Variants in ALG11 observed in about 807,000 individuals in gnomAD.
ALG11 encodes the protein ALG11 alpha-1,2-mannosyltransferase, also known as GDP-Man:Man(3)GlcNAc(2)-PP-Dol alpha-1,2-mannosyltransferase.
A neutral mutation model predicts 38.8 loss-of-function variants in ALG11; 26 were observed. The ratio of observed to expected loss-of-function variants is 0.67; its 90% CI spans 0.49 to 0.93. The LOEUF (loss-of-function observed/expected upper bound fraction) is 0.93, where lower values mean the gene tolerates loss of function less well. ALG11 is among the 40% of genes least tolerant of loss of function. The pLI is 0.00. For synonymous variants in ALG11, 199 were observed against 211.6 expected, an observed-to-expected ratio of 0.94 and a Z score of 0.52; for missense variants, 535 against 578.8, an observed-to-expected ratio of 0.92 and a Z score of 0.78.
At chr13:52,027,010 G>A (rs1401908914) in intron 3 of ALG11, among the ~76,000 whole-genome samples, 1 of 152,156 alleles carries the variant, frequency 6.6e-6, no homozygotes, top group Non-Finnish European at 1.5e-5. Flanking sequence ...TCCAAGTGCA[G>A]TGTCTTAGAA....
intron 2 of ALG11, chr13:52,023,507 A>T (rs1460432793): frequency 1.3e-5 from 2 of 151,420 alleles, no homozygotes; most frequent in Non-Finnish European, 2.9e-5. Context: ...CTGAGGCGGG[A>T]GAAGCACTTG....
rs139833950 is a variant in ALG11, at chr13:52,027,663, C to T, written c.1208-656C>T. ...ATCATTTGGCAGAAACTAACCACAACTTTCATTTAGTTCAGCACTGTTGTT... is the reference window on the plus strand; with the variant it reads ...ATCATTTGGCAGAAACTAACCACAATTTTCATTTAGTTCAGCACTGTTGTT... On this transcript the variant is annotated intron_variant, in intron 3 of 3. Coordinates refer to ENST00000521508, the MANE Select transcript of ALG11 (RefSeq NM_001004127.3). Among the ~76,000 whole-genome samples, 947 of 152,280 alleles carry T rather than the reference C, an allele frequency of 6.2e-3. 4 individuals carry two copies. Among genetic ancestry groups the T allele is most frequent in the African/African-American group, 0.021 (864 of 41,558 alleles).
In ALG11 at chr13:52,029,143, G is replaced by A. The variant is rs1055566609; in HGVS notation, c.*553G>A. On this transcript the variant is annotated 3_prime_UTR_variant, in exon 4 of 4. Transcript: ENST00000521508. ...AACTGAATAGAGTCAAATCAAAGAA[G>A]GTGGTGGAGTTACCTCTTAACAAAG... 2 of 1,614,122 alleles carry A rather than the reference G, an allele frequency of 1.2e-6. No individual in the cohort carries two copies. The highest frequency in any genetic ancestry group is 2.7e-5 in the African/African-American group (2 of 74,928).
Position 52,029,056 on chromosome 13 carries a change from G to T in ALG11, c.*466G>T. ...GTTCTGAAGGATCAGGAGAAAAGCTGGGCCTTGCAGATCTGCTTGAGCCCG... is the reference window on the plus strand; with the variant it reads ...GTTCTGAAGGATCAGGAGAAAAGCTTGGCCTTGCAGATCTGCTTGAGCCCG... On this transcript the variant is annotated 3_prime_UTR_variant, in exon 4 of 4. Transcript: ENST00000521508. 4 of 1,614,216 alleles carry T rather than the reference G, an allele frequency of 2.5e-6. No individual in the cohort carries two copies. Among genetic ancestry groups the T allele is most frequent in the Middle Eastern group, 1.6e-4 (1 of 6,062 alleles).
chr13:52,030,400 A>C lies in ALG11; in HGVS notation c.*1810A>C. The stretch of plus-strand genomic sequence containing the variant: ...AGGAGCTTCCCAGACCTGTGTTAGA[A>C]GGACAGCAGTCAGAGAGGACCCCAA... On this transcript the variant is annotated 3_prime_UTR_variant, in exon 4 of 4. Transcript: ENST00000521508. 6.2e-7 allele frequency: 1 copy of C among 1,614,222 alleles called. No homozygotes were observed. The highest frequency in any genetic ancestry group is 8.5e-7 in the Non-Finnish European group (1 of 1,180,038).
At position 52,019,122 on chromosome 13, in the gene ALG11, C is replaced by T. The variant is rs147743710; in HGVS notation, c.254C>T (p.Ala85Val). Residue 85 changes from alanine (A) to valine (V), a missense_variant, in exon 2 of 4, where the codon GCT (alanine) becomes GTT (valine). Physicochemically the swap from Ala to Val is moderately conservative, Grantham distance 64. Transcript: ENST00000521508. Reference protein sequence around the residue: ...GGGGERVLWCALRALQKKYPE... With the variant: ...GGGGERVLWCVLRALQKKYPE... ...GGAGGAGAAAGAGTTTTATGGTGTG[C>T]TTTAAGAGCCCTGCAGAAAAAGTAG... The T allele has an allele frequency of 9.9e-6, 16 of 1,612,760 alleles. No individual in the cohort carries two copies. The highest frequency in any genetic ancestry group is 1.1e-5 in the Non-Finnish European group (13 of 1,179,690).
chr13:52,012,519 C>T (rs1954080014), intron 1 of ALG11, 57 bp downstream of exon 1: 4 of 1,612,498 alleles, frequency 2.5e-6, no homozygotes, highest in African/African-American at 1.3e-5. Context: ...GGGTACTTGC[C>T]CGTCCAGTGT....
Position 52,028,305 on chromosome 13 carries a change from G to GT in ALG11, c.1208-6dup, listed in dbSNP as rs749417095. 8.7e-6 allele frequency: 14 copies of GT among 1,613,528 alleles called. No individual in the cohort carries two copies. Among genetic ancestry groups the GT allele is most frequent in the East Asian group, 2.2e-5 (1 of 44,870 alleles). ...AAACTTAAAAGATTACATGATTTGTGTTTTTTTTCTCAGGAGTTGTGGAGT... is the reference window on the plus strand; with the variant it reads ...AAACTTAAAAGATTACATGATTTGTGTTTTTTTTTCTCAGGAGTTGTGGAGT... On this transcript the variant is annotated splice_polypyrimidine_tract_variant and intron_variant, in intron 3 of 3. Coordinates refer to ENST00000521508, the MANE Select transcript of ALG11 (RefSeq NM_001004127.3).
At position 52,024,495 on chromosome 13, in the gene ALG11, G is replaced by A. The variant is rs1285055405; in HGVS notation, c.765G>A (p.Met255Ile). The A allele has an allele frequency of 6.2e-7, 1 of 1,613,960 alleles. No individual in the cohort carries two copies. The highest frequency in any genetic ancestry group is 1.7e-5 in the Admixed American group (1 of 59,984). The change falls in exon 3 of 4, where the codon ATG becomes ATA. Residue 255 changes from methionine to isoleucine, a missense_variant. Physicochemically the swap from Met to Ile is conservative, Grantham distance 10 (BLOSUM62 1). Transcript: ENST00000521508. ...GLVGSCSDVV[M>I]VNSSWTLNHI... ...TTGGTTCTTGCAGTGATGTAGTCAT[G>A]GTCAATTCTTCTTGGACACTAAACC...
chr13:52,030,621 A>G lies in ALG11; in HGVS notation c.*2031A>G, dbSNP rs559486838. The G allele has an allele frequency of 5.6e-6, 9 of 1,614,180 alleles. No homozygotes were observed. Among genetic ancestry groups the G allele is most frequent in the Non-Finnish European group, 7.6e-6 (9 of 1,180,030 alleles). On this transcript the variant is annotated 3_prime_UTR_variant, in exon 4 of 4. Coordinates refer to ENST00000521508, the MANE Select transcript of ALG11 (RefSeq NM_001004127.3). ...TTTGCTGGGGATGATGTCATCAGAG[A>G]TTTCTTGAAAGAGAAGAGGGAAGCT...
intron 1 of ALG11, 102 bp from the exon 2 acceptor site, chr13:52,018,807 CTCTT>C (rs1170758028): frequency 2.2e-6 from 2 of 922,868 alleles, no homozygotes; most frequent in East Asian, 2.6e-5. Context: ...AGACAATTCT[CTCTT>C]TGTTACTAAT....
intron 3 of ALG11, among the ~76,000 whole-genome samples, chr13:52,027,087 G>A (rs1489354707): frequency 6.6e-6 from 1 of 152,174 alleles, no homozygotes; most frequent in African/African-American, 2.4e-5. Context: ...CAGATGCTGG[G>A]GAAGGTAAGG....
At chr13:52,022,291 C>T (rs761307482) in intron 2 of ALG11, 5 of 152,204 alleles carry the variant, frequency 3.3e-5, no homozygotes, top group Non-Finnish European at 5.9e-5. Context: ...TCACTTGAAC[C>T]CGAGAGGTGG....
chr13:52,020,284 C>T (rs1954173527), intron 2 of ALG11, among the ~76,000 whole-genome samples: 1 of 152,076 alleles, frequency 6.6e-6, no homozygotes, highest in South Asian at 2.1e-4. Flanking sequence ...TTATGATTCT[C>T]TTTTAGAAAG....
Position 52,029,773 on chromosome 13 carries a change from G to T in ALG11, c.*1183G>T. ...ACCTGGAGGCTCGCCAAGCTATGCA[G>T]GAACAGTTGGCCAAGAACAAAGAAC... On this transcript the variant is annotated 3_prime_UTR_variant, in exon 4 of 4. Coordinates refer to ENST00000521508, the MANE Select transcript of ALG11 (RefSeq NM_001004127.3). 2 of 1,614,212 alleles carry T rather than the reference G, an allele frequency of 1.2e-6. No individual in the cohort carries two copies. Among genetic ancestry groups the T allele is most frequent in the Non-Finnish European group, 1.7e-6 (2 of 1,180,042 alleles).
rs1954313979 is a variant in ALG11, at chr13:52,032,337, T to A, written c.*3747T>A. ...GCATTACAACTCTGTAGATTGTTAGTTACTAGGCCAGTAGCTAGGAATTGG... is the reference window on the plus strand; with the variant it reads ...GCATTACAACTCTGTAGATTGTTAGATACTAGGCCAGTAGCTAGGAATTGG... On this transcript the variant is annotated 3_prime_UTR_variant, in exon 4 of 4. Coordinates refer to ENST00000521508, the MANE Select transcript of ALG11 (RefSeq NM_001004127.3). 6.0e-6 allele frequency: 1 copy of A among 167,118 alleles called. No individual in the cohort carries two copies. 10.4% of individuals were successfully genotyped at this position (167,118 alleles called of 1,614,324 possible).
rs748442937 is a variant in ALG11, at chr13:52,029,319, A to T, written c.*729A>T. 1.2e-6 allele frequency: 2 copies of T among 1,614,174 alleles called. No individual in the cohort carries two copies. The highest frequency in any genetic ancestry group is 2.2e-5 in the South Asian group (2 of 91,084). On this transcript the variant is annotated 3_prime_UTR_variant, in exon 4 of 4. Transcript: ENST00000521508. ...CAGCCAGCCATTGCTCCCATTGAAC[A>T]TGCGCTCAGTGGCTGGAAGGCAAGA...
chr13:52,019,216 CTTTTT>C (rs767701891), intron 2 of ALG11, 73 bp downstream of exon 2: 434 of 446,696 alleles, frequency 9.7e-4, no homozygotes, highest in East Asian at 1.8e-3. Context: ...AGAAATTCAT[CTTTTT>C]TTTTTTTTTT....
At chr13:52,014,995 A>G (rs539681213) in intron 1 of ALG11, among the ~76,000 whole-genome samples, 2 of 152,358 alleles carry the variant, frequency 1.3e-5, no homozygotes, top group African/African-American at 2.4e-5. Flanking sequence ...TACCTCTTCA[A>G]GTACACAGTA....
Sources: allele counts gnomAD v4.1 joint callset (sites outside exome capture counted in the v4.1 genomes callset), GRCh38; gene constraint gnomAD v4.1.1; transcripts MANE v1.5; gene names NCBI Gene and HGNC (gene_info 2026-07-23, HGNC 2026-07-21).